Variants in FER1L6 observed in about 807,000 individuals in gnomAD.
The protein encoded by FER1L6 is fer-1-like protein 6.
Under a neutral mutation model 219.2 loss-of-function variants are expected in FER1L6, and 177 were observed. That is an observed-to-expected ratio of 0.81 (90% CI 0.71 to 0.91). The LOEUF (loss-of-function observed/expected upper bound fraction) is 0.91. Among genes scored for constraint, FER1L6 ranks in the 40% least tolerant of loss-of-function variants. The probability of loss-of-function intolerance (pLI) is 0.00; values close to 1 mark genes in which losing one functional copy is unlikely to be tolerated. For missense variants in FER1L6, 2,153 were observed against 2,259.9 expected, an observed-to-expected ratio of 0.95 and a Z score of 0.96; for synonymous variants, 768 against 824.3, an observed-to-expected ratio of 0.93 and a Z score of 1.17.
chr8:123,872,567 A>G (rs568049790), intron 1 of FER1L6, among the ~76,000 whole-genome samples: 2 of 152,304 alleles, frequency 1.3e-5, no homozygotes, highest in East Asian at 1.9e-4. Context: ...TTTCTAATAT[A>G]CCAATATTGG....
At chr8:124,014,095 G>A (rs953013949) in intron 15 of FER1L6, among the ~76,000 whole-genome samples, 2 of 152,096 alleles carry the variant, frequency 1.3e-5, no homozygotes, top group Non-Finnish European at 2.9e-5. Flanking sequence ...TAGGAGAAAA[G>A]GCATGCAAAT....
chr8:124,029,084 C>T (rs182480041), intron 18 of FER1L6, among the ~76,000 whole-genome samples: 92 of 152,322 alleles, frequency 6.0e-4, no homozygotes, highest in African/African-American at 2.1e-3. Flanking sequence ...CCAGCTTCAT[C>T]CATGCTCCTG....
chr8:124,021,968 G>C (rs889674521), intron 17 of FER1L6, among the ~76,000 whole-genome samples: 8 of 152,190 alleles, frequency 5.3e-5, no homozygotes, highest in Non-Finnish European at 1.0e-4. Flanking sequence ...ACTATAAAAG[G>C]ATTTAAATTC....
chr8:124,011,190 C>A (rs1488194790), intron 14 of FER1L6, among the ~76,000 whole-genome samples: 7 of 152,068 alleles, frequency 4.6e-5, no homozygotes, highest in African/African-American at 1.7e-4. Context: ...TTGAAAAAAC[C>A]AAGTTCCTTT....
chr8:124,000,439 G>A (rs1483754408), intron 12 of FER1L6, among the ~76,000 whole-genome samples: 2 of 152,022 alleles, frequency 1.3e-5, no homozygotes, highest in African/African-American at 4.8e-5. Flanking sequence ...ATCACTTCAG[G>A]GTTCTATTGG....
intron 33 of FER1L6, among the ~76,000 whole-genome samples, chr8:124,084,215 G>A (rs1441982694): frequency 6.6e-6 from 1 of 151,366 alleles, no homozygotes; most frequent in Non-Finnish European, 1.5e-5. Context: ...ACCCACAAGG[G>A]TAACTTCTTT....
chr8:124,112,100 A>T (rs1037514651), intron 39 of FER1L6, among the ~76,000 whole-genome samples: 2 of 152,198 alleles, frequency 1.3e-5, no homozygotes, highest in Non-Finnish European at 1.5e-5. Context: ...CCATGTGTAT[A>T]AAATCACTAG....
At chr8:123,936,695 C>CT (rs928282162) in intron 1 of FER1L6, among the ~76,000 whole-genome samples, 1 of 152,018 alleles carries the variant, frequency 6.6e-6, no homozygotes, top group Admixed American at 6.6e-5. Flanking sequence ...CACCACTGTT[C>CT]TTTTTTATCT....
chr8:123,910,302 C>A (rs1414410905), intron 1 of FER1L6, among the ~76,000 whole-genome samples: 1 of 152,142 alleles, frequency 6.6e-6, no homozygotes, highest in Non-Finnish European at 1.5e-5. Flanking sequence ...AAGAGTAAGA[C>A]ATCCAATCAA....
intron 1 of FER1L6, among the ~76,000 whole-genome samples, chr8:123,890,999 T>G (rs1164276541): frequency 6.6e-6 from 1 of 152,118 alleles, no homozygotes; most frequent in East Asian, 1.9e-4. Context: ...CAGGAAAGAT[T>G]CACCTTGCCC....
At chr8:124,102,685 G>C (rs1468105048) in intron 38 of FER1L6, among the ~76,000 whole-genome samples, 1 of 152,164 alleles carries the variant, frequency 6.6e-6, no homozygotes, top group Non-Finnish European at 1.5e-5. Context: ...TCCTGTCCTG[G>C]AGAGTAGATA....
In FER1L6 at chr8:123,958,602, C is replaced by T. The variant is rs139037765; in HGVS notation, c.76+2528C>T. 9.9e-5 allele frequency among the ~76,000 whole-genome samples: 15 copies of T among 152,162 alleles called. No individual in the cohort carries two copies. In the East Asian group the frequency reaches 2.5e-3, roughly 26 times the overall value. ...TTCCTACATAAACATCTTTGTAAAACGTCCTCAAATCACCTTACTCTGATT... is the reference window on the plus strand; with the variant it reads ...TTCCTACATAAACATCTTTGTAAAATGTCCTCAAATCACCTTACTCTGATT... On this transcript the variant is annotated intron_variant, in intron 2 of 40. Transcript: ENST00000522917.
intron 22 of FER1L6, among the ~76,000 whole-genome samples, chr8:124,052,668 C>A (rs1158914565): frequency 6.6e-6 from 1 of 152,038 alleles, no homozygotes; most frequent in Non-Finnish European, 1.5e-5. Context: ...ATCTGTAATC[C>A]CAGCTACTCC....
chr8:123,906,394 G>A (rs566082167), intron 1 of FER1L6, among the ~76,000 whole-genome samples: 28 of 152,312 alleles, frequency 1.8e-4, no homozygotes, highest in African/African-American at 6.7e-4. Context: ...ATCTGGGTGA[G>A]TGACATATAT....
At chr8:124,038,057 G>A (rs7842213) in intron 19 of FER1L6, among the ~76,000 whole-genome samples, 124,720 of 152,142 alleles carry the variant, frequency 0.82, 51,422 homozygotes, top group Non-Finnish European at 0.87. Flanking sequence ...AAGAGTTTCC[G>A]ATTGCCTCGT....
In FER1L6 at chr8:123,956,042, A is replaced by G; in HGVS notation, c.44A>G (p.Lys15Arg). ...AAGAAGAAGAGAAATAAGGCAGAGA[A>G]GGGGTTAATCCTAGCCAACAAGGCT... ...KVKKKRNKAE[K>R]GLILANKAAK... The change falls in exon 2 of 41, where the codon AAG (lysine) becomes AGG (arginine). Residue 15 changes from lysine (K) to arginine (R), a missense_variant. Coordinates refer to ENST00000522917, the MANE Select transcript of FER1L6 (RefSeq NM_001039112.2). 6.2e-7 allele frequency: 1 copy of G among 1,612,310 alleles called. No individual in the cohort carries two copies. Among genetic ancestry groups the G allele is most frequent in the South Asian group, 1.1e-5 (1 of 90,464 alleles).
intron 39 of FER1L6, among the ~76,000 whole-genome samples, chr8:124,105,272 T>C (rs1026322256): frequency 6.6e-6 from 1 of 152,126 alleles, no homozygotes; most frequent in Admixed American, 6.6e-5. Context: ...AAAACCCCAA[T>C]GAACAAAAAC....
intron 1 of FER1L6, among the ~76,000 whole-genome samples, chr8:123,885,747 G>A (rs559444171): frequency 1.3e-5 from 2 of 152,296 alleles, no homozygotes; most frequent in African/African-American, 4.8e-5. Flanking sequence ...GAAAGCCTGG[G>A]CCAGGGGCGG....
intron 1 of FER1L6, among the ~76,000 whole-genome samples, chr8:123,866,985 A>G (rs1006448248): frequency 6.6e-6 from 1 of 152,136 alleles, no homozygotes; most frequent in African/African-American, 2.4e-5. Context: ...CCCTTATCAG[A>G]TGTATAGTTT....
Sources: allele counts gnomAD v4.1 joint callset (sites outside exome capture counted in the v4.1 genomes callset), GRCh38; gene constraint gnomAD v4.1.1; transcripts MANE v1.5; gene names NCBI Gene and HGNC (gene_info 2026-07-23, HGNC 2026-07-21).